Variants in PDE8B observed in about 807,000 individuals in gnomAD.
PDE8B encodes the protein phosphodiesterase 8B.
In PDE8B, 26 loss-of-function variants were observed where a neutral mutation model predicts 101.3. That is an observed-to-expected ratio of 0.26 (90% CI 0.19 to 0.36). PDE8B has a LOEUF of 0.36. Ranked by LOEUF, PDE8B falls within the 10% of genes least tolerant of loss-of-function variation. The pLI, the probability that PDE8B is intolerant of heterozygous loss-of-function variation, is 1.00. For missense variants in PDE8B, 810 were observed against 1,163.1 expected (o/e 0.70, Z 4.42); for synonymous variants, 424 against 429.3 (o/e 0.99, Z 0.15).
At chr5:77,368,509 G>A (rs1271162568) in intron 10 of PDE8B, among the ~76,000 whole-genome samples, 1 of 152,100 alleles carries the variant, frequency 6.6e-6, no homozygotes, top group African/African-American at 2.4e-5. Context: ...TTCCCTTCAC[G>A]ATAGCTTACT....
In PDE8B at chr5:77,400,276, A is replaced by C. The variant is rs1791982890; in HGVS notation, c.1196A>C (p.Asp399Ala). The C allele has an allele frequency of 8.1e-6, 13 of 1,601,510 alleles. No homozygotes were observed. Among genetic ancestry groups the C allele is most frequent in the Non-Finnish European group, 1.1e-5 (13 of 1,168,602 alleles). Residue 399 changes from aspartate to alanine, a missense_variant, in exon 11 of 22, where the codon GAC becomes GCC. Transcript: ENST00000264917. The stretch of plus-strand genomic sequence containing the variant: ...CACAAGATTCATCGTGATTCAGGAG[A>C]CAATTCTCAGACAGGTGAGAATACT... Reference protein sequence around the residue: ...QIHKIHRDSGDNSQTEPHSFR... With the variant: ...QIHKIHRDSGANSQTEPHSFR...
chr5:77,299,273 T>TA (rs1469178682), intron 1 of PDE8B, among the ~76,000 whole-genome samples: 1 of 149,642 alleles, frequency 6.7e-6, no homozygotes, highest in Non-Finnish European at 1.5e-5. Context: ...TTTGTTTTAT[T>TA]TTATTATTAT....
At chr5:77,146,825 C>A in the PDE8B span, 1 of 355,274 alleles carries the variant, frequency 2.8e-6, no homozygotes, top group Non-Finnish European at 5.7e-6. Flanking sequence ...CCCTTTAGGA[C>A]GAAAAAGTAG....
At chr5:77,287,140 G>T (rs1766175220) in intron 1 of PDE8B, among the ~76,000 whole-genome samples, 1 of 151,892 alleles carries the variant, frequency 6.6e-6, no homozygotes, top group Non-Finnish European at 1.5e-5. Flanking sequence ...GAGATCATTT[G>T]CCTTCTTTCT....
At chr5:77,385,148 A>G (rs1010420639) in intron 10 of PDE8B, among the ~76,000 whole-genome samples, 8 of 152,116 alleles carry the variant, frequency 5.3e-5, no homozygotes, top group African/African-American at 1.9e-4. Flanking sequence ...CCTCAATTTC[A>G]GGACTTGTTA....
chr5:77,424,016 A>G (rs1797340785), intron 20 of PDE8B, among the ~76,000 whole-genome samples: 1 of 152,024 alleles, frequency 6.6e-6, no homozygotes, highest in Non-Finnish European at 1.5e-5. Flanking sequence ...TCCAGTAAGT[A>G]GACTGCAGCT....
chr5:77,203,757 C>T, the PDE8B span, among the ~76,000 whole-genome samples: 1 of 152,184 alleles, frequency 6.6e-6, no homozygotes, highest in African/African-American at 2.4e-5. Flanking sequence ...TCTTGTTTCT[C>T]AGTGCTTAGT....
the PDE8B span, among the ~76,000 whole-genome samples, chr5:77,109,941 T>TTG: frequency 7.9e-6 from 1 of 126,872 alleles, no homozygotes; most frequent in Non-Finnish European, 1.7e-5. Context: ...TTTTTTTTTT[T>TTG]TTTTTTTTTT....
chr5:77,279,226 A>G (rs1764464668), intron 1 of PDE8B, among the ~76,000 whole-genome samples: 1 of 152,220 alleles, frequency 6.6e-6, no homozygotes, highest in Admixed American at 6.5e-5. Context: ...TTCTTTGATG[A>G]TTTGTATTGT....
chr5:77,276,677 T>G (rs765109185), intron 1 of PDE8B, among the ~76,000 whole-genome samples: 1 of 152,228 alleles, frequency 6.6e-6, no homozygotes, highest in Admixed American at 6.5e-5. Context: ...AGTGGAATTT[T>G]CAGGTAATTA....
chr5:77,237,989 G>C (rs926972689), intron 1 of PDE8B, among the ~76,000 whole-genome samples: 5 of 152,052 alleles, frequency 3.3e-5, no homozygotes, highest in African/African-American at 1.2e-4. Context: ...CCTGTAAATA[G>C]TGTACCATTT....
chr5:77,109,710 A>G, the PDE8B span, among the ~76,000 whole-genome samples: 1 of 152,198 alleles, frequency 6.6e-6, no homozygotes, highest in Non-Finnish European at 1.5e-5. Flanking sequence ...GATCAACTGC[A>G]TTAGAATCAT....
chr5:77,370,325 C>T (rs1784866543), intron 10 of PDE8B, among the ~76,000 whole-genome samples: 1 of 152,216 alleles, frequency 6.6e-6, no homozygotes, highest in Admixed American at 6.5e-5. Context: ...GTCTGTCCCC[C>T]AGTCCTCAGA....
the PDE8B span, among the ~76,000 whole-genome samples, chr5:77,177,630 C>T: frequency 6.6e-6 from 1 of 152,368 alleles, no homozygotes; most frequent in Middle Eastern, 3.4e-3. Flanking sequence ...TGGCCAGCAT[C>T]ACTGCTCTTG....
intron 1 of PDE8B, among the ~76,000 whole-genome samples, chr5:77,267,426 C>A (rs1046639427): frequency 6.8e-6 from 1 of 146,668 alleles, no homozygotes; most frequent in East Asian, 2.0e-4. Context: ...GGTGACAGAG[C>A]GAGACTCCAT....
chr5:77,246,138 C>T, intron 1 of PDE8B, among the ~76,000 whole-genome samples: 1 of 152,238 alleles, frequency 6.6e-6, no homozygotes. Context: ...AGGCATGAGC[C>T]ATCATGCCCT....
chr5:77,382,664 C>A (rs867136260), intron 10 of PDE8B, among the ~76,000 whole-genome samples: 4 of 152,098 alleles, frequency 2.6e-5, no homozygotes, highest in Admixed American at 6.6e-5. Context: ...GTTCAACTCC[C>A]ACTTATGAGT....
chr5:77,335,324 AG>A, intron 5 of PDE8B, among the ~76,000 whole-genome samples: 1 of 152,330 alleles, frequency 6.6e-6, no homozygotes, highest in South Asian at 2.1e-4. Flanking sequence ...TCCATCTAAA[AG>A]CTCAAATGGA....
chr5:77,185,838 T>C, the PDE8B span, among the ~76,000 whole-genome samples: 1 of 152,202 alleles, frequency 6.6e-6, no homozygotes, highest in African/African-American at 2.4e-5. Flanking sequence ...TTGATGGCAT[T>C]GACTGTAATG....
Sources: gnomAD v4.1 joint callset for allele counts (sites outside exome capture counted in the v4.1 genomes callset) on GRCh38, gnomAD v4.1.1 for gene constraint, MANE v1.5 for transcripts, NCBI Gene and HGNC (gene_info 2026-07-23, HGNC 2026-07-21) for gene names.